Variants in MYO3B observed in about 807,000 individuals in gnomAD.
The protein encoded by MYO3B is myosin IIIB.
A neutral mutation model predicts 174.6 loss-of-function variants in MYO3B; 156 were observed. The ratio of observed to expected loss-of-function variants is 0.89; its 90% CI spans 0.78 to 1.02. The LOEUF (loss-of-function observed/expected upper bound fraction) is 1.02. MYO3B is among the 50% of genes least tolerant of loss of function. The pLI is 0.00. For synonymous variants in MYO3B, 563 were observed against 569.1 expected (o/e 0.99, Z 0.15); for missense variants, 1,632 against 1,639.4 (o/e 1.00, Z 0.08).
chr2:170,231,211 G>A (rs2093012354), intron 6 of MYO3B, among the ~76,000 whole-genome samples: 1 of 152,210 alleles, frequency 6.6e-6, no homozygotes, highest in Non-Finnish European at 1.5e-5. Flanking sequence ...GTGACTGGGG[G>A]TAGATTTAAG....
intron 19 of MYO3B, 106 bp downstream of exon 19, chr2:170,403,101 G>C: frequency 8.9e-7 from 1 of 1,117,562 alleles, no homozygotes; most frequent in South Asian, 2.4e-5. Flanking sequence ...AAAGACCCTA[G>C]AGAGAAAATA....
chr2:170,370,624 T>TACACAC lies in MYO3B; in HGVS notation c.971+1293_971+1298dup, dbSNP rs55790344. On this transcript the variant is annotated intron_variant, in intron 9 of 34. Transcript: ENST00000408978. ...CCAGCCACCACCCCTACCACCCACC[T>TACACAC]ACACACACACACACACACACACACA... is the stretch of plus-strand genomic sequence containing the variant. Among the ~76,000 whole-genome samples, 399 of 129,518 alleles carry TACACAC rather than the reference T, an allele frequency of 3.1e-3. 4 individuals carry two copies. The highest frequency in any genetic ancestry group is 7.4e-3 in the Admixed American group (95 of 12,760). 85.0% of individuals were successfully genotyped at this position (129,518 alleles called of 152,430 possible).
chr2:170,637,737 G>A lies in MYO3B; in HGVS notation c.3734-13891G>A, dbSNP rs553748623. ...AAATTCTTGATTAGAGCAGAGAACT[G>A]AAAGCTTTGTGCTGCCCTACTTGTA... On this transcript the variant is annotated intron_variant, in intron 32 of 34. Transcript: ENST00000408978. Among the ~76,000 whole-genome samples the A allele has an allele frequency of 7.9e-5, 12 of 152,304 alleles. No homozygotes were observed. The South Asian group carries it at 8.3e-4, about 11-fold the overall frequency.
chr2:170,270,086 G>T (rs1350164587), intron 7 of MYO3B, among the ~76,000 whole-genome samples: 1 of 152,122 alleles, frequency 6.6e-6, no homozygotes, highest in African/African-American at 2.4e-5. Flanking sequence ...ATATTTGAAT[G>T]GTCATAAACT....
intron 7 of MYO3B, among the ~76,000 whole-genome samples, chr2:170,293,073 CTT>C (rs1270554553): frequency 1.3e-5 from 2 of 152,104 alleles, no homozygotes; most frequent in Non-Finnish European, 2.9e-5. Context: ...AAGTCCAACT[CTT>C]TCACTGTTGA....
chr2:170,449,908 A>G (rs1314729522), intron 23 of MYO3B, among the ~76,000 whole-genome samples: 1 of 152,188 alleles, frequency 6.6e-6, no homozygotes, highest in African/African-American at 2.4e-5. Flanking sequence ...CAATAACACA[A>G]TTTCTACATT....
At position 170,400,251 on chromosome 2, in the gene MYO3B, G is replaced by T. The variant is rs961001338; in HGVS notation, c.1855G>T (p.Ala619Ser). Residue 619 changes from alanine (A) to serine (S), a missense_variant, in exon 17 of 35, where the codon GCT (alanine) becomes TCT (serine). Coordinates refer to ENST00000408978, the MANE Select transcript of MYO3B (RefSeq NM_138995.5). ...GAATATTGGGAACATTGAGTTCGCA[G>T]CTATTTCCTCTCAACATCAGACTGA... ...ILNIGNIEFA[A>S]ISSQHQTDKS... 4.3e-6 allele frequency: 7 copies of T among 1,614,076 alleles called. No individual in the cohort carries two copies. Among genetic ancestry groups the T allele is most frequent in the Non-Finnish European group, 5.1e-6 (6 of 1,179,998 alleles).
intron 19 of MYO3B, 72 bp from the exon 20 acceptor site, chr2:170,404,175 C>G: frequency 6.8e-7 from 1 of 1,465,518 alleles, no homozygotes; most frequent in Non-Finnish European, 9.2e-7. Context: ...CCCAGAAAGT[C>G]CATGTCAAAG....
intron 9 of MYO3B, among the ~76,000 whole-genome samples, chr2:170,381,759 G>A (rs2094336914): frequency 6.6e-6 from 1 of 152,128 alleles, no homozygotes. Flanking sequence ...AGAAAAGCAA[G>A]TATGTGTATT....
chr2:170,444,778 T>C (rs1487141583), intron 23 of MYO3B, among the ~76,000 whole-genome samples: 2 of 152,242 alleles, frequency 1.3e-5, no homozygotes, highest in East Asian at 3.8e-4. Context: ...TCATTTTTTG[T>C]TAAAAATAAT....
intron 32 of MYO3B, among the ~76,000 whole-genome samples, chr2:170,576,295 G>C (rs905715487): frequency 1.3e-5 from 2 of 152,176 alleles, no homozygotes; most frequent in African/African-American, 2.4e-5. Flanking sequence ...TAGGGTTACT[G>C]TCCGGCTGAT....
chr2:170,360,369 A>G (rs1261473018), intron 8 of MYO3B, among the ~76,000 whole-genome samples: 2 of 152,216 alleles, frequency 1.3e-5, no homozygotes, highest in African/African-American at 2.4e-5. Flanking sequence ...TGAGCCAGAC[A>G]TTAAAAAAAT....
At chr2:170,356,604 C>T (rs2094123177) in intron 8 of MYO3B, among the ~76,000 whole-genome samples, 2 of 151,698 alleles carry the variant, frequency 1.3e-5, no homozygotes, top group East Asian at 2.0e-4. Flanking sequence ...TCAGGTGATC[C>T]ACCCACCTCA....
In MYO3B at chr2:170,216,494, T is replaced by C. The variant is rs76841220; in HGVS notation, c.527-825T>C. Among the ~76,000 whole-genome samples the C allele has an allele frequency of 8.3e-3, 1,268 of 152,336 alleles. 9 individuals are homozygous for C. Among genetic ancestry groups the C allele is most frequent in the Middle Eastern group, 0.031 (9 of 294 alleles). On this transcript the variant is annotated intron_variant, in intron 5 of 34. Coordinates refer to ENST00000408978, the MANE Select transcript of MYO3B (RefSeq NM_138995.5). ...AAAAGCATAATTGGGATGGAAAACATTGATTTTTAATCCTGTGGACCTTTA... is the reference window on the plus strand; with the variant it reads ...AAAAGCATAATTGGGATGGAAAACACTGATTTTTAATCCTGTGGACCTTTA...
intron 32 of MYO3B, among the ~76,000 whole-genome samples, chr2:170,642,003 A>G (rs1698010317): frequency 6.6e-6 from 1 of 152,070 alleles, no homozygotes; most frequent in African/African-American, 2.4e-5. Context: ...GTTTTTAGAG[A>G]CTGATTTCAT....
chr2:170,527,800 C>A (rs141105089), intron 30 of MYO3B, among the ~76,000 whole-genome samples: 2 of 152,192 alleles, frequency 1.3e-5, no homozygotes, highest in Non-Finnish European at 2.9e-5. Flanking sequence ...CTACCTAGTA[C>A]GTAGTTAAGT....
intron 32 of MYO3B, among the ~76,000 whole-genome samples, chr2:170,622,447 A>T (rs181209615): frequency 6.6e-6 from 1 of 152,232 alleles, no homozygotes; most frequent in African/African-American, 2.4e-5. Flanking sequence ...AAAACAATAC[A>T]AAAGGAATAC....
chr2:170,490,447 A>T (rs1200503167), intron 25 of MYO3B, among the ~76,000 whole-genome samples: 1 of 152,150 alleles, frequency 6.6e-6, no homozygotes, highest in Non-Finnish European at 1.5e-5. Context: ...TTTTTCGTAG[A>T]TTACACTGGA....
intron 32 of MYO3B, among the ~76,000 whole-genome samples, chr2:170,613,656 A>G (rs769571586): frequency 2.6e-5 from 4 of 152,220 alleles, no homozygotes; most frequent in Non-Finnish European, 5.9e-5. Flanking sequence ...AAAGGAGATT[A>G]TCATTTGAGT....
Sources: gnomAD v4.1 joint callset for allele counts (sites outside exome capture counted in the v4.1 genomes callset) on GRCh38, gnomAD v4.1.1 for gene constraint, MANE v1.5 for transcripts, NCBI Gene and HGNC (gene_info 2026-07-23, HGNC 2026-07-21) for gene names.